The following SCCPDH variants were observed in gnomAD, a reference collection of about 807,000 sequenced individuals.
SCCPDH encodes the protein saccharopine dehydrogenase-like oxidoreductase.
A neutral mutation model predicts 51.5 loss-of-function variants in SCCPDH; 34 were observed. The ratio of observed to expected loss-of-function variants is 0.66; its 90% CI spans 0.50 to 0.88. The LOEUF (loss-of-function observed/expected upper bound fraction) is 0.88. Ranked by LOEUF, SCCPDH falls within the 40% of genes least tolerant of loss-of-function variation. SCCPDH has a pLI of 0.00. For missense variants in SCCPDH, 464 were observed against 527.1 expected, an observed-to-expected ratio of 0.88 and a Z score of 1.17; for synonymous variants, 187 against 191.3, an observed-to-expected ratio of 0.98 and a Z score of 0.19.
At chr1:246,741,456 T>A (rs931399085) in intron 4 of SCCPDH, among the ~76,000 whole-genome samples, 14 of 152,072 alleles carry the variant, frequency 9.2e-5, no homozygotes, top group African/African-American at 3.1e-4. Flanking sequence ...GCCACCATAC[T>A]CAACTAATTT....
At chr1:246,736,717 A>AG (rs1491384744) in intron 3 of SCCPDH, among the ~76,000 whole-genome samples, 4 of 152,118 alleles carry the variant, frequency 2.6e-5, no homozygotes, top group Non-Finnish European at 5.9e-5. Flanking sequence ...AAAAAAAAAA[A>AG]GAAAATTCAG....
At chr1:246,741,098 A>T (rs1668669417) in intron 4 of SCCPDH, among the ~76,000 whole-genome samples, 1 of 151,954 alleles carries the variant, frequency 6.6e-6, no homozygotes, top group Non-Finnish European at 1.5e-5. Flanking sequence ...AAAAAAGCAA[A>T]AAAACAAAAA....
intron 1 of SCCPDH, among the ~76,000 whole-genome samples, chr1:246,726,111 C>T (rs1253199705): frequency 6.6e-6 from 1 of 152,212 alleles, no homozygotes; most frequent in African/African-American, 2.4e-5. Flanking sequence ...CCCTTCTCGG[C>T]TTTCCAAAGT....
At chr1:246,742,740 A>G (rs1668699148) in intron 4 of SCCPDH, among the ~76,000 whole-genome samples, 1 of 152,036 alleles carries the variant, frequency 6.6e-6, no homozygotes, top group Non-Finnish European at 1.5e-5. Context: ...TAGAATTAAA[A>G]CCAGGAACAT....
At chr1:246,733,449 A>AAGT (rs1668523133) in intron 2 of SCCPDH, among the ~76,000 whole-genome samples, 1 of 150,352 alleles carries the variant, frequency 6.7e-6, no homozygotes, top group South Asian at 2.1e-4. Flanking sequence ...TATATATAAT[A>AAGT]AGTATATGGC....
intron 5 of SCCPDH, among the ~76,000 whole-genome samples, chr1:246,746,507 G>T (rs1668763650): frequency 6.6e-6 from 1 of 152,152 alleles, no homozygotes; most frequent in African/African-American, 2.4e-5. Flanking sequence ...CAGAAACTGG[G>T]CATAAGACAA....
At chr1:246,731,549 G>A (rs1232181380) in intron 2 of SCCPDH, among the ~76,000 whole-genome samples, 1 of 152,172 alleles carries the variant, frequency 6.6e-6, no homozygotes, top group East Asian at 1.9e-4. Context: ...TCCAGGTAGT[G>A]GAAGCAAGCA....
chr1:246,728,911 T>C (rs753735485), intron 2 of SCCPDH, among the ~76,000 whole-genome samples: 2 of 152,200 alleles, frequency 1.3e-5, no homozygotes, highest in African/African-American at 2.4e-5. Flanking sequence ...CATAGGTTCT[T>C]TTCTATTTTC....
chr1:246,740,152 T>G lies in SCCPDH; in HGVS notation c.385-20T>G. ...ATCTTTCTGCATAACTAATTAAAATTCTTATCCTGGATTTTTTAGTTTCTG... is the reference window on the plus strand; with the variant it reads ...ATCTTTCTGCATAACTAATTAAAATGCTTATCCTGGATTTTTTAGTTTCTG... On this transcript the variant is annotated intron_variant, in intron 3 of 11. Coordinates refer to ENST00000366510, the MANE Select transcript of SCCPDH (RefSeq NM_016002.3). 1.3e-6 allele frequency: 2 copies of G among 1,549,730 alleles called. No individual in the cohort carries two copies. The highest frequency in any genetic ancestry group is 1.8e-6 in the Non-Finnish European group (2 of 1,138,112).
intron 5 of SCCPDH, among the ~76,000 whole-genome samples, chr1:246,757,825 T>A (rs1668955077): frequency 6.6e-6 from 1 of 151,854 alleles, no homozygotes; most frequent in Admixed American, 6.6e-5. Flanking sequence ...TATCCAGAAA[T>A]GTTGAGGAAT....
intron 11 of SCCPDH, among the ~76,000 whole-genome samples, chr1:246,766,687 T>G (rs1200137367): frequency 6.6e-6 from 1 of 152,206 alleles, no homozygotes; most frequent in Non-Finnish European, 1.5e-5. Context: ...AAAGTAAAAT[T>G]TGTATATAGT....
chr1:246,762,617 G>A (rs1215307146), intron 9 of SCCPDH, among the ~76,000 whole-genome samples: 1 of 152,082 alleles, frequency 6.6e-6, no homozygotes, highest in Non-Finnish European at 1.5e-5. Context: ...TGAGGGAGGT[G>A]GATCACTTAA....
At chr1:246,724,873 A>G (rs2102977904) in intron 1 of SCCPDH, among the ~76,000 whole-genome samples, 1 of 151,638 alleles carries the variant, frequency 6.6e-6, no homozygotes, top group African/African-American at 2.4e-5. Flanking sequence ...CGCTTTTTGC[A>G]TTTCTGCCTC....
chr1:246,747,476 A>G (rs867972598), intron 5 of SCCPDH, among the ~76,000 whole-genome samples: 12 of 152,230 alleles, frequency 7.9e-5, no homozygotes, highest in Admixed American at 6.5e-4. Context: ...ACCTGAGGTC[A>G]GGAGTTTGAG....
At chr1:246,724,671 C>T in intron 1 of SCCPDH, 59 bp downstream of exon 1, 1 of 1,376,730 alleles carries the variant, frequency 7.3e-7, no homozygotes, top group East Asian at 3.0e-5. Context: ...CCCCGCATCG[C>T]CCCAAACGAG....
chr1:246,736,118 A>T, intron 3 of SCCPDH, 63 bp downstream of exon 3: 2 of 1,073,908 alleles, frequency 1.9e-6, no homozygotes, highest in Non-Finnish European at 2.8e-6. Flanking sequence ...ATGAAGTGGA[A>T]ATATTTAGTG....
At chr1:246,727,890 A>AT (rs910651606) in intron 2 of SCCPDH, among the ~76,000 whole-genome samples, 14 of 151,874 alleles carry the variant, frequency 9.2e-5, no homozygotes, top group Non-Finnish European at 1.6e-4. Flanking sequence ...CAGGATGTGG[A>AT]TTTTTTTTCC....
chr1:246,756,042 A>C (rs1668926017), intron 5 of SCCPDH, among the ~76,000 whole-genome samples: 1 of 152,240 alleles, frequency 6.6e-6, no homozygotes, highest in Admixed American at 6.5e-5. Context: ...TTTTACAAAA[A>C]GACAAAGAGG....
intron 5 of SCCPDH, among the ~76,000 whole-genome samples, chr1:246,755,355 C>G (rs369983056): frequency 3.3e-5 from 5 of 152,300 alleles, no homozygotes; most frequent in African/African-American, 9.6e-5. Context: ...GCAAGATATT[C>G]TTGAAAGAGA....
Sources: allele counts gnomAD v4.1 joint callset (sites outside exome capture counted in the v4.1 genomes callset), GRCh38; gene constraint gnomAD v4.1.1; transcripts MANE v1.5; gene names NCBI Gene and HGNC (gene_info 2026-07-23, HGNC 2026-07-21).